PEMT: variants seen among roughly 807,000 people sequenced by gnomAD.
PEMT encodes phospholipid methyltransferase.
Under a neutral mutation model 27.4 loss-of-function variants are expected in PEMT, and 23 were observed. The observed-to-expected ratio is 0.84, with a 90% CI of 0.60 to 1.19. The LOEUF is 1.19. PEMT is among the 50% of genes most tolerant of loss of function. The pLI, the probability that PEMT is intolerant of heterozygous loss-of-function variation, is 0.00. For missense variants in PEMT, 307 were observed against 310.1 expected, an observed-to-expected ratio of 0.99 and a Z score of 0.07; for synonymous variants, 137 against 139.1, an observed-to-expected ratio of 0.98 and a Z score of 0.11.
intron 2 of PEMT, among the ~76,000 whole-genome samples, chr17:17,532,209 A>C (rs59120004): frequency 6.2e-4 from 94 of 152,356 alleles, no homozygotes; most frequent in African/African-American, 2.2e-3. Flanking sequence ...GCAATTGGAC[A>C]AGAAAATCAA....
At chr17:17,585,795 T>G (rs1912210018) in intron 1 of PEMT, among the ~76,000 whole-genome samples, 1 of 151,880 alleles carries the variant, frequency 6.6e-6, no homozygotes, top group African/African-American at 2.4e-5. Context: ...GACCAAAAAT[T>G]TGTCGGGCCG....
chr17:17,576,794 C>T (rs1434597665), intron 2 of PEMT, 126 bp downstream of exon 2: 4 of 745,506 alleles, frequency 5.4e-6, no homozygotes, highest in Middle Eastern at 2.4e-4. Context: ...GCGACAGACA[C>T]GGGAGGGAAG....
chr17:17,537,986 G>A (rs1908603434), intron 2 of PEMT, among the ~76,000 whole-genome samples: 1 of 152,206 alleles, frequency 6.6e-6, no homozygotes, highest in Non-Finnish European at 1.5e-5. Context: ...ACCAGGGAGT[G>A]GTCAGCTGGC....
chr17:17,533,215 A>G (rs1233826235), intron 2 of PEMT, among the ~76,000 whole-genome samples: 1 of 152,262 alleles, frequency 6.6e-6, no homozygotes, highest in Non-Finnish European at 1.5e-5. Context: ...CAAGGCTGCC[A>G]AAACAAATGA....
chr17:17,560,150 G>A (rs1910370701), intron 2 of PEMT, among the ~76,000 whole-genome samples: 2 of 152,246 alleles, frequency 1.3e-5, no homozygotes, highest in Admixed American at 1.3e-4. Flanking sequence ...ACCATCACAT[G>A]GTCAAGGCAG....
intron 1 of PEMT, among the ~76,000 whole-genome samples, chr17:17,586,289 A>AAAG (rs1491465188): frequency 0.014 from 907 of 63,190 alleles, 8 homozygotes; most frequent in Middle Eastern, 0.027. Context: ...AGAAAGAAAG[A>AAAG]AAAAAAAAAA....
At chr17:17,534,739 G>A (rs1908333801) in intron 2 of PEMT, among the ~76,000 whole-genome samples, 3 of 152,124 alleles carry the variant, frequency 2.0e-5, no homozygotes, top group Admixed American at 1.3e-4. Context: ...TGGAAGCTGA[G>A]GTGGGAGGAT....
chr17:17,535,567 GA>G (rs35903619), intron 2 of PEMT, among the ~76,000 whole-genome samples: 19,495 of 141,250 alleles, frequency 0.14, 2,249 homozygotes, highest in African/African-American at 0.32. Context: ...TCCGTCTCAA[GA>G]AAAAAAAAAA....
intron 1 of PEMT, among the ~76,000 whole-genome samples, chr17:17,584,466 CT>C (rs1157335813): frequency 1.3e-5 from 2 of 152,106 alleles, no homozygotes; most frequent in African/African-American, 4.8e-5. Context: ...CGGCCCAAAC[CT>C]GGCTAATTTT....
At chr17:17,579,778 A>G (rs1481163694) in intron 1 of PEMT, among the ~76,000 whole-genome samples, 1 of 152,234 alleles carries the variant, frequency 6.6e-6, no homozygotes, top group African/African-American at 2.4e-5. Context: ...TGTAGACAGA[A>G]TAGCTGAGTG....
At position 17,559,884 on chromosome 17, in the gene PEMT, G is replaced by A. The variant is rs143083110; in HGVS notation, c.204+17036C>T. Among the ~76,000 whole-genome samples the A allele has an allele frequency of 4.3e-3, 650 of 152,364 alleles. 22 individuals are homozygous for A. Among genetic ancestry groups the A allele is most frequent in the Admixed American group, 0.036 (550 of 15,312 alleles). ...GACTGGGGCTGGAGCCCCGCTGCAC[G>A]GCTGCGAGTGGCCCGGTGCTCTTCC... On this transcript the variant is annotated intron_variant, in intron 2 of 6. Coordinates refer to ENST00000255389, the MANE Select transcript of PEMT (RefSeq NM_148172.3).
intron 1 of PEMT, among the ~76,000 whole-genome samples, chr17:17,578,136 C>G (rs1911746379): frequency 6.6e-6 from 1 of 151,008 alleles, no homozygotes; most frequent in Admixed American, 6.6e-5. Flanking sequence ...TTCTAGAAAA[C>G]AACATAAAAT....
intron 2 of PEMT, among the ~76,000 whole-genome samples, chr17:17,574,587 C>A (rs1911453752): frequency 6.6e-6 from 1 of 152,192 alleles, no homozygotes; most frequent in Non-Finnish European, 1.5e-5. Flanking sequence ...TCCCAAAGTG[C>A]TGGGATTACA....
rs1027745361 is a variant in PEMT at position 17,577,064 on chromosome 17, A to G, written c.97-37T>C. ...GAGCTAGCATCAGCACCACCCAGAC[A>G]CAGCAGGGCCTGTGAGCCCCCAGGA... On this transcript the variant is annotated intron_variant, in intron 1 of 6. Coordinates refer to ENST00000255389, the MANE Select transcript of PEMT (RefSeq NM_148172.3). 13 of 1,497,698 alleles carry G rather than the reference A, an allele frequency of 8.7e-6. No homozygotes were observed. In the Admixed American group the frequency reaches 1.0e-4, roughly 12 times the overall value. 92.8% of individuals were successfully genotyped at this position (1,497,698 alleles called of 1,614,324 possible).
At chr17:17,588,359 G>A (rs891798640) in intron 1 of PEMT, among the ~76,000 whole-genome samples, 8 of 152,110 alleles carry the variant, frequency 5.3e-5, no homozygotes, top group Non-Finnish European at 8.8e-5. Flanking sequence ...ACCCCGCATC[G>A]GCCATCGGAG....
At chr17:17,544,284 CTT>C (rs200066506) in intron 2 of PEMT, among the ~76,000 whole-genome samples, 93 of 143,712 alleles carry the variant, frequency 6.5e-4, no homozygotes, top group Non-Finnish European at 8.4e-4. Context: ...TTTTTCTTTT[CTT>C]TTTTTTTTTT....
At chr17:17,506,388 G>A (rs1339250826) in intron 5 of PEMT, 87 bp from the exon 6 acceptor site, 16 of 1,053,728 alleles carry the variant, frequency 1.5e-5, no homozygotes, top group East Asian at 2.6e-5. Flanking sequence ...CCTTCCTGCC[G>A]TGACCCTGGC....
intron 3 of PEMT, among the ~76,000 whole-genome samples, chr17:17,519,679 G>A (rs1197012942): frequency 1.3e-5 from 2 of 152,196 alleles, no homozygotes; most frequent in Admixed American, 1.3e-4. Flanking sequence ...GGTGGATGAC[G>A]GGGGCAGACC....
Position 17,522,378 on chromosome 17 carries a change from G to A in PEMT, c.222C>T (p.His74=), listed in dbSNP as rs138294067. 19 of 1,613,008 alleles carry A rather than the reference G, an allele frequency of 1.2e-5. No homozygotes were observed. Among genetic ancestry groups the A allele is most frequent in the African/African-American group, 2.7e-5 (2 of 74,754 alleles). ...LYWNVVARWE[H]KTRKLSRAFG... is the part of the protein sequence containing the mutation. ...AGGCCCTGCTCAGCTTGCGGGTCTTGTGTTCCCATCGTGCAACCTAAACCG... is the reference window on the plus strand; with the variant it reads ...AGGCCCTGCTCAGCTTGCGGGTCTTATGTTCCCATCGTGCAACCTAAACCG... Residue 74 remains histidine, a synonymous_variant, in exon 3 of 7, where the codon CAC becomes CAT. Transcript: ENST00000255389.
Sources: gnomAD v4.1 joint callset for allele counts (sites outside exome capture counted in the v4.1 genomes callset) on GRCh38, gnomAD v4.1.1 for gene constraint, MANE v1.5 for transcripts, NCBI Gene and HGNC (gene_info 2026-07-23, HGNC 2026-07-21) for gene names.